PDCD10: variants seen among roughly 807,000 people sequenced by gnomAD.
PDCD10 encodes the protein programmed cell death 10.
PDCD10 carries 4 observed loss-of-function variants against 29.2 expected under a neutral mutation model. The ratio of observed to expected loss-of-function variants is 0.14; its 90% confidence interval spans 0.07 to 0.31. The LOEUF (loss-of-function observed/expected upper bound fraction) is 0.31, where lower values mean the gene tolerates loss of function less well. PDCD10 is among the 10% of genes least tolerant of loss of function. The pLI is 1.00. For missense variants in PDCD10, 183 were observed against 257.9 expected (o/e 0.71, Z 1.99); for synonymous variants, 70 against 82.2 (o/e 0.85, Z 0.80).
chr3:167,720,446 G>GACTC (rs1300739955), intron 2 of PDCD10, among the ~76,000 whole-genome samples, 173 bp from the exon 3 acceptor site: 1 of 152,016 alleles, frequency 6.6e-6, no homozygotes, highest in African/African-American at 2.4e-5. Context: ...TTCCTCCAAA[G>GACTC]ACTCAACAAC....
intron 2 of PDCD10, among the ~76,000 whole-genome samples, chr3:167,729,078 T>C (rs1360262913): frequency 1.3e-5 from 2 of 152,194 alleles, no homozygotes; most frequent in Admixed American, 6.5e-5. Context: ...AACGTGGATC[T>C]GCCACTCCCC....
At chr3:167,717,365 A>G (rs1262552232) in intron 3 of PDCD10, among the ~76,000 whole-genome samples, 1 of 152,022 alleles carries the variant, frequency 6.6e-6, no homozygotes, top group African/African-American at 2.4e-5. Flanking sequence ...TAACTCTTAC[A>G]ATACACTGTA....
At chr3:167,695,358 G>A (rs940779522) in intron 6 of PDCD10, among the ~76,000 whole-genome samples, 6 of 152,020 alleles carry the variant, frequency 3.9e-5, no homozygotes, top group Non-Finnish European at 7.3e-5. Context: ...CATTTATGTA[G>A]TTCAAACTAC....
At chr3:167,691,113 TGAA>T (rs1056876632) in intron 6 of PDCD10, among the ~76,000 whole-genome samples, 6 of 152,208 alleles carry the variant, frequency 3.9e-5, no homozygotes, top group African/African-American at 9.7e-5. Context: ...GAGAAACGCC[TGAA>T]GAAGAAATCA....
intron 8 of PDCD10, among the ~76,000 whole-genome samples, chr3:167,684,597 T>G (rs1719384414): frequency 6.6e-6 from 1 of 152,122 alleles, no homozygotes; most frequent in South Asian, 2.1e-4. Flanking sequence ...TGGTTCTGAC[T>G]GGTAATAAAA....
At chr3:167,720,809 A>G (rs1198861236) in intron 2 of PDCD10, among the ~76,000 whole-genome samples, 1 of 152,088 alleles carries the variant, frequency 6.6e-6, no homozygotes. Context: ...CAAGCACCAA[A>G]TATGTCAAAC....
At chr3:167,698,709 TC>T (rs1375255515) in intron 4 of PDCD10, among the ~76,000 whole-genome samples, 5 of 151,830 alleles carry the variant, frequency 3.3e-5, no homozygotes, top group Non-Finnish European at 7.4e-5. Flanking sequence ...CAATAAATCT[TC>T]CTACATAATG....
At chr3:167,721,347 T>G (rs903008216) in intron 2 of PDCD10, among the ~76,000 whole-genome samples, 1 of 152,164 alleles carries the variant, frequency 6.6e-6, no homozygotes, top group African/African-American at 2.4e-5. Flanking sequence ...CCCAGGACTC[T>G]GAATACAGAT....
intron 6 of PDCD10, among the ~76,000 whole-genome samples, chr3:167,690,140 T>C (rs1720067046): frequency 6.6e-6 from 1 of 152,176 alleles, no homozygotes; most frequent in African/African-American, 2.4e-5. Flanking sequence ...GCAGATAGTA[T>C]GAGTAGAAGG....
intron 2 of PDCD10, among the ~76,000 whole-genome samples, chr3:167,721,784 A>C (rs1178563108): frequency 6.6e-6 from 1 of 152,186 alleles, no homozygotes; most frequent in African/African-American, 2.4e-5. Flanking sequence ...CGAATTCCTG[A>C]ATTTCATTCT....
chr3:167,710,700 G>C (rs1320652192), intron 3 of PDCD10, among the ~76,000 whole-genome samples: 1 of 152,226 alleles, frequency 6.6e-6, no homozygotes, highest in Non-Finnish European at 1.5e-5. Flanking sequence ...AGGGCCTTGA[G>C]TGAACACAGG....
At chr3:167,688,004 T>TA (rs1719808492) in intron 6 of PDCD10, among the ~76,000 whole-genome samples, 1 of 152,206 alleles carries the variant, frequency 6.6e-6, no homozygotes, top group South Asian at 2.1e-4. Flanking sequence ...TATAAAAAGA[T>TA]AAACATTACC....
At chr3:167,689,701 C>T (rs1332167274) in intron 6 of PDCD10, among the ~76,000 whole-genome samples, 1 of 152,098 alleles carries the variant, frequency 6.6e-6, no homozygotes, top group Non-Finnish European at 1.5e-5. Context: ...CCTCAGGTGA[C>T]TGCTGATGAG....
At chr3:167,690,900 T>C (rs1473376232) in intron 6 of PDCD10, among the ~76,000 whole-genome samples, 1 of 152,222 alleles carries the variant, frequency 6.6e-6, no homozygotes, top group Non-Finnish European at 1.5e-5. Flanking sequence ...GGAACACAGA[T>C]TCAAATCTAG....
chr3:167,717,307 T>C (rs1723119403), intron 3 of PDCD10, among the ~76,000 whole-genome samples: 1 of 152,054 alleles, frequency 6.6e-6, no homozygotes, highest in Non-Finnish European at 1.5e-5. Flanking sequence ...TAGACTACCA[T>C]TGTAGCTATC....
At chr3:167,713,353 C>T (rs1722708191) in intron 3 of PDCD10, among the ~76,000 whole-genome samples, 1 of 151,830 alleles carries the variant, frequency 6.6e-6, no homozygotes, top group South Asian at 2.1e-4. Flanking sequence ...AAATCAAAAA[C>T]TTAAGAAAGA....
intron 4 of PDCD10, among the ~76,000 whole-genome samples, chr3:167,698,217 G>A (rs1003539329): frequency 2.0e-5 from 3 of 152,054 alleles, no homozygotes; most frequent in Non-Finnish European, 4.4e-5. Flanking sequence ...GAAAATACAC[G>A]CATTTATTCC....
intron 3 of PDCD10, among the ~76,000 whole-genome samples, chr3:167,714,975 C>T (rs192631026): frequency 8.6e-5 from 13 of 151,316 alleles, no homozygotes; most frequent in African/African-American, 3.1e-4. Flanking sequence ...CCCAGAATAG[C>T]CAAAAAGAAT....
Position 167,719,778 on chromosome 3 carries a change from TCTG to T in PDCD10, c.96+281_96+283del, listed in dbSNP as rs1216646176. Reference sequence around the variant, plus strand: ...CCACCTATTTTCTTTCTTAACATACTCTGCTTTTACACTTCATAGTACTTCATC... The same window carrying T: ...CCACCTATTTTCTTTCTTAACATACTCTTTTACACTTCATAGTACTTCATC... On this transcript the variant is annotated intron_variant, in intron 3 of 8. Transcript: ENST00000392750. Among the ~76,000 whole-genome samples, 6 of 152,254 alleles carry T rather than the reference TCTG, an allele frequency of 3.9e-5. No homozygotes were observed. The East Asian group carries it at 1.2e-3, about 29-fold the overall frequency.
Sources: gnomAD v4.1 joint callset for allele counts (sites outside exome capture counted in the v4.1 genomes callset) on GRCh38, gnomAD v4.1.1 for gene constraint, MANE v1.5 for transcripts, NCBI Gene and HGNC (gene_info 2026-07-23, HGNC 2026-07-21) for gene names.